CNTLN: variants seen among roughly 807,000 people sequenced by gnomAD.
CNTLN encodes the protein centlein, centrosomal protein.
In CNTLN, 212 loss-of-function variants were observed where a neutral mutation model predicts 180.0. The observed-to-expected ratio is 1.18, with a 90% CI of 1.05 to 1.32. The LOEUF (loss-of-function observed/expected upper bound fraction) is 1.32, where lower values mean the gene tolerates loss of function less well. Among genes scored for constraint, CNTLN ranks in the 40% most tolerant of loss-of-function variants. The pLI is 0.00. For missense variants in CNTLN, 2,095 were observed against 1,610.9 expected (o/e 1.30, Z -5.14); for synonymous variants, 722 against 563.1 (o/e 1.28, Z -3.99).
chr9:17,217,087 A>G (rs1054765091), intron 2 of CNTLN, among the ~76,000 whole-genome samples: 21 of 152,268 alleles, frequency 1.4e-4, no homozygotes, highest in African/African-American at 4.8e-4. Context: ...GAAGAATCAC[A>G]TTCAAACTTT....
Position 17,193,079 on chromosome 9 carries a change from G to A in CNTLN, c.450-33124G>A, listed in dbSNP as rs144043371. Among the ~76,000 whole-genome samples, 302 of 152,172 alleles carry A rather than the reference G, an allele frequency of 2.0e-3. 2 individuals carry two copies. Among genetic ancestry groups the A allele is most frequent in the African/African-American group, 7.0e-3 (290 of 41,512 alleles). ...TTTCACTACTGTAAGAATAGTATGG[G>A]GGAAACTGCCCCCATGATTCAGTTA... On this transcript the variant is annotated intron_variant, in intron 2 of 25. Transcript: ENST00000380647.
At chr9:17,365,986 T>G (rs1324866922) in intron 12 of CNTLN, among the ~76,000 whole-genome samples, 1 of 152,202 alleles carries the variant, frequency 6.6e-6, no homozygotes, top group Non-Finnish European at 1.5e-5. Flanking sequence ...ATACATAATT[T>G]TTAAAATTAT....
chr9:17,311,033 T>C (rs968676906), intron 8 of CNTLN, among the ~76,000 whole-genome samples: 1 of 151,002 alleles, frequency 6.6e-6, no homozygotes, highest in African/African-American at 2.4e-5. Flanking sequence ...AATTACTTCT[T>C]TTTTTTTTGA....
intron 2 of CNTLN, among the ~76,000 whole-genome samples, chr9:17,181,302 T>C (rs114048778): frequency 0.019 from 2,823 of 152,334 alleles, 55 homozygotes; most frequent in African/African-American, 0.048. Context: ...TCCTCTCCAG[T>C]TGGCTGTTGA....
intron 25 of CNTLN, among the ~76,000 whole-genome samples, chr9:17,490,005 G>C (rs1401858702): frequency 1.3e-5 from 2 of 152,122 alleles, no homozygotes; most frequent in African/African-American, 4.8e-5. Context: ...ATTTATGGCA[G>C]AGACAAAGAA....
chr9:17,152,647 G>T (rs1818971322), intron 2 of CNTLN, among the ~76,000 whole-genome samples: 1 of 152,180 alleles, frequency 6.6e-6, no homozygotes, highest in Admixed American at 6.5e-5. Context: ...TTGATTTGGG[G>T]TAGAGAGTTC....
At chr9:17,179,261 AAAG>A (rs59512574) in intron 2 of CNTLN, among the ~76,000 whole-genome samples, 89 of 138,670 alleles carry the variant, frequency 6.4e-4, no homozygotes, top group South Asian at 2.9e-3. Context: ...AAAAAAAAAA[AAAG>A]AAGAAGTGTA....
intron 2 of CNTLN, among the ~76,000 whole-genome samples, chr9:17,187,238 T>C (rs1371767821): frequency 4.6e-5 from 7 of 152,242 alleles, no homozygotes; most frequent in Non-Finnish European, 4.4e-5. Flanking sequence ...ATCTGCTTTA[T>C]CTACTTTCTG....
intron 19 of CNTLN, among the ~76,000 whole-genome samples, chr9:17,459,403 A>C (rs1831324078): frequency 6.6e-6 from 1 of 151,754 alleles, no homozygotes; most frequent in Non-Finnish European, 1.5e-5. Flanking sequence ...GATTGTCCAT[A>C]ATCTAACATA....
rs1253573714 is a variant in CNTLN at position 17,465,987 on chromosome 9, A to G, written c.3538A>G (p.Thr1180Ala). 1 of 1,601,960 alleles carries G rather than the reference A, an allele frequency of 6.2e-7. No homozygotes were observed. Among genetic ancestry groups the G allele is most frequent in the Non-Finnish European group, 8.5e-7 (1 of 1,172,002 alleles). The change falls in exon 22 of 26, where the codon ACA becomes GCA. Residue 1180 changes from threonine to alanine, a missense_variant. Physicochemically the swap from Thr to Ala is moderately conservative, Grantham distance 58 (BLOSUM62 0). Coordinates refer to ENST00000380647, the MANE Select transcript of CNTLN (RefSeq NM_017738.4). ...CTTTATGCTTTTAATGTAGGTAAAG[A>G]CATTAACTGAAGAATGTTCCAACAA... ...MLQNLDKKVK[T>A]LTEECSNKKV...
At chr9:17,193,466 C>A (rs554198768) in intron 2 of CNTLN, among the ~76,000 whole-genome samples, 1 of 152,220 alleles carries the variant, frequency 6.6e-6, no homozygotes, top group South Asian at 2.1e-4. Flanking sequence ...GTTACAGGGC[C>A]CATGCAAACT....
chr9:17,327,562 G>T (rs1435645837), intron 8 of CNTLN, among the ~76,000 whole-genome samples: 3 of 150,372 alleles, frequency 2.0e-5, no homozygotes, highest in African/African-American at 7.3e-5. Context: ...GGATGAGATT[G>T]TGAAGAGACT....
At chr9:17,434,074 T>A (rs576183314) in intron 18 of CNTLN, among the ~76,000 whole-genome samples, 1 of 152,284 alleles carries the variant, frequency 6.6e-6, no homozygotes, top group East Asian at 1.9e-4. Flanking sequence ...TTAGATTATA[T>A]AACTGCAAGA....
At chr9:17,211,255 G>A (rs191748804) in intron 2 of CNTLN, among the ~76,000 whole-genome samples, 2 of 152,296 alleles carry the variant, frequency 1.3e-5, no homozygotes, top group Admixed American at 1.3e-4. Context: ...AAGGGATCCA[G>A]TTTCAGCTTT....
At chr9:17,473,954 T>C (rs1054609355) in intron 23 of CNTLN, among the ~76,000 whole-genome samples, 1 of 152,190 alleles carries the variant, frequency 6.6e-6, no homozygotes, top group African/African-American at 2.4e-5. Context: ...CTACACTGTA[T>C]TGGTTTTCCT....
chr9:17,504,190 G>A (rs1268511631), downstream of CNTLN, among the ~76,000 whole-genome samples: 4 of 152,150 alleles, frequency 2.6e-5, no homozygotes, highest in East Asian at 7.7e-4. Flanking sequence ...AAGGCACAAT[G>A]AAGTGTGGAT....
At chr9:17,282,359 A>G (rs1369343206) in intron 6 of CNTLN, among the ~76,000 whole-genome samples, 2 of 151,928 alleles carry the variant, frequency 1.3e-5, no homozygotes. Context: ...GCTTTTTTTG[A>G]TATGTTTGTT....
At position 17,376,138 on chromosome 9, in the gene CNTLN, T is replaced by C. The variant is rs1439622661; in HGVS notation, c.1987+9421T>C. 2.6e-5 allele frequency among the ~76,000 whole-genome samples: 4 copies of C among 152,186 alleles called. No homozygotes were observed. The East Asian group carries it at 7.7e-4, about 29-fold the overall frequency. On this transcript the variant is annotated intron_variant, in intron 13 of 25. Coordinates refer to ENST00000380647, the MANE Select transcript of CNTLN (RefSeq NM_017738.4). ...TAATTTTTATCATATTTCAAGCTTA[T>C]CTCTTTATCAGCTTCTGAATCACAT...
intron 3 of CNTLN, among the ~76,000 whole-genome samples, chr9:17,232,433 A>G (rs1199302170): frequency 6.6e-6 from 1 of 151,980 alleles, no homozygotes; most frequent in Non-Finnish European, 1.5e-5. Context: ...AAATTATTAA[A>G]TAATTCTCAT....
Sources: allele counts gnomAD v4.1 joint callset (sites outside exome capture counted in the v4.1 genomes callset), GRCh38; gene constraint gnomAD v4.1.1; transcripts MANE v1.5; gene names NCBI Gene and HGNC (gene_info 2026-07-23, HGNC 2026-07-21).